LY96: variants seen among roughly 807,000 people sequenced by gnomAD.
LY96 encodes myeloid differentiation protein-2.
LY96 carries 18 observed loss-of-function variants against 18.9 expected under a neutral mutation model. The ratio of observed to expected loss-of-function variants is 0.95; its 90% CI spans 0.66 to 1.41. The LOEUF (loss-of-function observed/expected upper bound fraction) is 1.41. Among genes scored for constraint, LY96 ranks in the 40% most tolerant of loss-of-function variants. LY96 has a pLI of 0.00. For synonymous variants in LY96, 66 were observed against 62.6 expected (o/e 1.06, Z -0.26); for missense variants, 175 against 182.4 (o/e 0.96, Z 0.23).
At chr8:74,077,839 G>A in the LY96 span, among the ~76,000 whole-genome samples, 5 of 152,130 alleles carry the variant, frequency 3.3e-5, no homozygotes, top group Admixed American at 2.0e-4. Flanking sequence ...CAGGTGTGGT[G>A]GCTTATGTCT....
chr8:74,042,043 C>T, the LY96 span, among the ~76,000 whole-genome samples: 1 of 152,188 alleles, frequency 6.6e-6, no homozygotes, highest in Non-Finnish European at 1.5e-5. Flanking sequence ...TAAAATTCCT[C>T]TCTTTATTCT....
intron 1 of LY96, among the ~76,000 whole-genome samples, chr8:74,003,395 C>A (rs1353543751): frequency 6.6e-6 from 1 of 152,196 alleles, no homozygotes; most frequent in African/African-American, 2.4e-5. Flanking sequence ...AGAGGCAGAA[C>A]AATTAATCCA....
chr8:74,039,190 A>G, the LY96 span, among the ~76,000 whole-genome samples: 1 of 152,174 alleles, frequency 6.6e-6, no homozygotes, highest in African/African-American at 2.4e-5. Context: ...AGAAATGTTT[A>G]TTAAAGTCTT....
the LY96 span, among the ~76,000 whole-genome samples, chr8:74,097,138 A>C: frequency 6.6e-6 from 1 of 152,174 alleles, no homozygotes; most frequent in East Asian, 1.9e-4. Context: ...AGCATACTTA[A>C]AATACAGTGT....
At chr8:74,057,849 A>T in the LY96 span, among the ~76,000 whole-genome samples, 1 of 152,186 alleles carries the variant, frequency 6.6e-6, no homozygotes, top group Non-Finnish European at 1.5e-5. Context: ...AATCCAGGGG[A>T]TGAGGTGTTA....
At chr8:74,092,880 C>T in the LY96 span, among the ~76,000 whole-genome samples, 1 of 152,172 alleles carries the variant, frequency 6.6e-6, no homozygotes, top group Admixed American at 6.5e-5. Context: ...ACTTTAAGTC[C>T]TGATTTTCTC....
chr8:74,061,315 C>T, the LY96 span, among the ~76,000 whole-genome samples: 50 of 152,170 alleles, frequency 3.3e-4, no homozygotes, highest in Non-Finnish European at 5.7e-4. Context: ...GAGCTTGTTT[C>T]CTCTCTCTCT....
the LY96 span, among the ~76,000 whole-genome samples, chr8:74,043,813 T>C: frequency 1.3e-5 from 2 of 152,354 alleles, no homozygotes; most frequent in African/African-American, 2.4e-5. Context: ...AAATTAAAAA[T>C]GAAAGTTTTA....
At chr8:74,067,869 T>A in the LY96 span, among the ~76,000 whole-genome samples, 5 of 151,876 alleles carry the variant, frequency 3.3e-5, no homozygotes, top group Non-Finnish European at 7.4e-5. Context: ...GAGGACAGCC[T>A]GGTCAATGTG....
chr8:74,021,275 C>G (rs1196189474), intron 3 of LY96, among the ~76,000 whole-genome samples: 1 of 152,200 alleles, frequency 6.6e-6, no homozygotes, highest in African/African-American at 2.4e-5. Context: ...TGAACAGACA[C>G]TTTTCAAAAG....
At chr8:74,034,570 G>T in the LY96 span, among the ~76,000 whole-genome samples, 4 of 152,018 alleles carry the variant, frequency 2.6e-5, no homozygotes, top group Non-Finnish European at 5.9e-5. Flanking sequence ...AATGGAATAG[G>T]TTCCTTTTTC....
the LY96 span, among the ~76,000 whole-genome samples, chr8:74,035,140 T>C: frequency 1.3e-5 from 2 of 152,244 alleles, no homozygotes; most frequent in East Asian, 3.8e-4. Flanking sequence ...AAGATTACTG[T>C]ACTCAAGGCA....
the LY96 span, among the ~76,000 whole-genome samples, chr8:74,081,066 T>G: frequency 8.4e-6 from 1 of 119,628 alleles, no homozygotes. Flanking sequence ...CTTTCTTTCT[T>G]ACTTTCTTTC....
At chr8:74,031,651 T>G (rs528491555), downstream of LY96, among the ~76,000 whole-genome samples, 2 of 148,952 alleles carry the variant, frequency 1.3e-5, no homozygotes, top group South Asian at 4.2e-4. Flanking sequence ...AAAAAAAAAG[T>G]AATTTTTTTT....
At chr8:74,060,308 A>G in the LY96 span, among the ~76,000 whole-genome samples, 1 of 152,252 alleles carries the variant, frequency 6.6e-6, no homozygotes, top group African/African-American at 2.4e-5. Context: ...TGTTTTCTTA[A>G]AATTTTATAA....
the LY96 span, among the ~76,000 whole-genome samples, chr8:74,066,540 T>A: frequency 6.1e-3 from 926 of 152,190 alleles, 7 homozygotes; most frequent in South Asian, 0.02. Context: ...ATGTATTTTG[T>A]GGGGGATGGG....
the LY96 span, among the ~76,000 whole-genome samples, chr8:74,094,899 GAA>G: frequency 6.6e-6 from 1 of 152,218 alleles, no homozygotes; most frequent in South Asian, 2.1e-4. Flanking sequence ...GTGTGAAAAA[GAA>G]AGAGACAGTT....
rs1255857556 is a variant in LY96, at chr8:74,002,064, T to G, written c.113-2732T>G. ...CTTCCTTCCTTCCTTCCTTCCTTCC[T>G]TCCTTCCTTCCTTTCTTTCTTTCTT... is the stretch of plus-strand genomic sequence containing the variant. On this transcript the variant is annotated intron_variant, in intron 1 of 4. Coordinates refer to ENST00000284818, the MANE Select transcript of LY96 (RefSeq NM_015364.5). Among the ~76,000 whole-genome samples the G allele has an allele frequency of 8.2e-4, 31 of 37,914 alleles. 1 individual carries two copies. The highest frequency in any genetic ancestry group is 2.4e-3 in the Admixed American group (7 of 2,890). The allele number at this position is 37,914 out of a possible 152,430, so 24.9% of individuals were successfully genotyped here. A position where few individuals can be genotyped will look rare whatever the true frequency, so the allele number is the denominator to read the frequency against.
chr8:74,097,623 C>A, the LY96 span, among the ~76,000 whole-genome samples: 1 of 152,102 alleles, frequency 6.6e-6, no homozygotes, highest in South Asian at 2.1e-4. Flanking sequence ...GCAGGAGAAT[C>A]GCTTGAACCC....
Sources: allele counts gnomAD v4.1 joint callset (sites outside exome capture counted in the v4.1 genomes callset), GRCh38; gene constraint gnomAD v4.1.1; transcripts MANE v1.5; gene names NCBI Gene and HGNC (gene_info 2026-07-23, HGNC 2026-07-21).